The following SNTG1 variants were observed in gnomAD, a reference collection of about 807,000 sequenced individuals.
The protein encoded by SNTG1 is syntrophin gamma 1, also known as gamma-1-syntrophin.
SNTG1 carries 39 observed loss-of-function variants against 74.7 expected under a neutral mutation model. That is an observed-to-expected ratio of 0.52 (90% CI 0.40 to 0.68). The LOEUF is 0.68. SNTG1 is among the 30% of genes least tolerant of loss of function. SNTG1 has a pLI of 0.00. For missense variants in SNTG1, 685 were observed against 609.5 expected, an observed-to-expected ratio of 1.12 and a Z score of -1.30; for synonymous variants, 254 against 217.1, an observed-to-expected ratio of 1.17 and a Z score of -1.49.
intron 11 of SNTG1, among the ~76,000 whole-genome samples, chr8:50,541,009 C>T (rs762495482): frequency 4.6e-5 from 7 of 151,850 alleles, no homozygotes; most frequent in Non-Finnish European, 7.4e-5. Context: ...AGTCTAGTTA[C>T]CTTTAATGTA....
At chr8:50,265,844 T>C (rs139909554) in intron 2 of SNTG1, among the ~76,000 whole-genome samples, 24 of 152,042 alleles carry the variant, frequency 1.6e-4, no homozygotes, top group African/African-American at 5.3e-4. Context: ...TTTACAATGA[T>C]ATCAAAAAAA....
At chr8:50,670,600 G>GT (rs1308170841) in intron 15 of SNTG1, among the ~76,000 whole-genome samples, 2 of 144,074 alleles carry the variant, frequency 1.4e-5, no homozygotes, top group Non-Finnish European at 3.0e-5. Context: ...TCAATATCAT[G>GT]AAAATGGCCA....
chr8:50,450,848 C>T, intron 8 of SNTG1, 119 bp downstream of exon 8: 1 of 967,058 alleles, frequency 1.0e-6, no homozygotes, highest in Non-Finnish European at 1.5e-6. Flanking sequence ...AGTTTGATAT[C>T]AAATTTTCAA....
At chr8:50,127,299 G>T (rs138042767) in intron 1 of SNTG1, among the ~76,000 whole-genome samples, 1 of 152,078 alleles carries the variant, frequency 6.6e-6, no homozygotes, top group Non-Finnish European at 1.5e-5. Flanking sequence ...TACCAACATT[G>T]CATTAAAATA....
rs372674229 is a variant in SNTG1, at chr8:50,381,558, ATGTGTGTG to A, written c.-27-12626_-27-12619del. On this transcript the variant is annotated intron_variant, in intron 2 of 18. Coordinates refer to ENST00000642720, the MANE Select transcript of SNTG1 (RefSeq NM_018967.5). Reference sequence around the variant, plus strand: ...TCTAGAGGGACAGAACTAATAGGATATGTGTGTGTGTGTGTGTGTGTGTGTGTGTGTGT... The same window carrying A: ...TCTAGAGGGACAGAACTAATAGGATATGTGTGTGTGTGTGTGTGTGTGTGT... Among the ~76,000 whole-genome samples, 11 of 108,598 alleles carry A rather than the reference ATGTGTGTG, an allele frequency of 1.0e-4. 1 individual carries two copies. Among genetic ancestry groups the A allele is most frequent in the African/African-American group, 2.9e-4 (9 of 30,574 alleles). The allele number at this position is 108,598 out of a possible 152,430, so 71.2% of individuals were successfully genotyped here.
chr8:50,779,798 C>A (rs975575734), intron 18 of SNTG1, among the ~76,000 whole-genome samples: 21 of 152,016 alleles, frequency 1.4e-4, no homozygotes, highest in African/African-American at 4.6e-4. Flanking sequence ...AAAGGGAATG[C>A]TTCCAGTTTT....
intron 1 of SNTG1, among the ~76,000 whole-genome samples, chr8:49,968,323 A>G (rs1217558667): frequency 2.6e-5 from 4 of 152,146 alleles, no homozygotes; most frequent in East Asian, 1.9e-4. Flanking sequence ...TTCCCCCCCA[A>G]TTATGGTGTA....
intron 4 of SNTG1, among the ~76,000 whole-genome samples, chr8:50,403,869 T>A (rs1187967007): frequency 6.6e-6 from 1 of 152,196 alleles, no homozygotes. Context: ...TAGTTAACAT[T>A]GAACATTTTC....
At chr8:50,464,741 A>C (rs186770404) in intron 8 of SNTG1, among the ~76,000 whole-genome samples, 1 of 152,194 alleles carries the variant, frequency 6.6e-6, no homozygotes, top group East Asian at 1.9e-4. Context: ...TCTGTCTCAA[A>C]AAACAAACAA....
chr8:50,434,074 G>A (rs1318170606), intron 4 of SNTG1, among the ~76,000 whole-genome samples: 2 of 132,640 alleles, frequency 1.5e-5, no homozygotes, highest in Admixed American at 1.9e-4. Flanking sequence ...AGTGTGTGAT[G>A]TTCCCCTTCC....
intron 17 of SNTG1, among the ~76,000 whole-genome samples, chr8:50,724,567 A>G (rs1350903859): frequency 6.6e-6 from 1 of 152,160 alleles, no homozygotes; most frequent in Non-Finnish European, 1.5e-5. Context: ...AGAGAAACTG[A>G]GAGATATTTC....
chr8:49,962,171 C>A lies in SNTG1; in HGVS notation c.-103+49940C>A, dbSNP rs571945187. The stretch of plus-strand genomic sequence containing the variant: ...TGTAGGGTGGGGAGAGCACAGGTGA[C>A]TGTCTGACCATAAGATGAGCTTCAT... On this transcript the variant is annotated intron_variant, in intron 1 of 18. Coordinates refer to ENST00000642720, the MANE Select transcript of SNTG1 (RefSeq NM_018967.5). 7.6e-4 allele frequency among the ~76,000 whole-genome samples: 115 copies of A among 152,100 alleles called. 2 individuals carry two copies. The Middle Eastern group carries it at 0.014, about 18-fold the overall frequency.
intron 2 of SNTG1, among the ~76,000 whole-genome samples, chr8:50,323,989 C>A (rs1295356738): frequency 1.3e-5 from 2 of 152,222 alleles, no homozygotes; most frequent in African/African-American, 4.8e-5. Context: ...CCTTAGGTAA[C>A]ATGTCACCCT....
At chr8:49,989,667 G>C (rs1352722937) in intron 1 of SNTG1, among the ~76,000 whole-genome samples, 1 of 151,812 alleles carries the variant, frequency 6.6e-6, no homozygotes, top group East Asian at 1.9e-4. Flanking sequence ...ACATCCCCCT[G>C]TCTCTAGAAA....
chr8:50,126,915 C>A (rs372842758), intron 1 of SNTG1, among the ~76,000 whole-genome samples: 1 of 152,162 alleles, frequency 6.6e-6, no homozygotes, highest in Non-Finnish European at 1.5e-5. Flanking sequence ...GAGGTACGAG[C>A]TTTTTCCTCA....
intron 1 of SNTG1, among the ~76,000 whole-genome samples, chr8:49,937,675 C>A (rs1033285637): frequency 3.9e-5 from 6 of 152,108 alleles, no homozygotes; most frequent in African/African-American, 7.2e-5. Context: ...CCATAGTGAA[C>A]AAATGATTAG....
At chr8:49,950,999 C>T (rs932829940) in intron 1 of SNTG1, among the ~76,000 whole-genome samples, 2 of 152,144 alleles carry the variant, frequency 1.3e-5, no homozygotes, top group Non-Finnish European at 2.9e-5. Flanking sequence ...ATACCTAAAA[C>T]GTCTTTTGTT....
intron 2 of SNTG1, among the ~76,000 whole-genome samples, chr8:50,229,613 T>TA (rs2085513806): frequency 6.6e-6 from 1 of 151,378 alleles, no homozygotes; most frequent in Admixed American, 6.6e-5. Context: ...TTGTTAAAGA[T>TA]AAAAATATGC....
intron 1 of SNTG1, among the ~76,000 whole-genome samples, chr8:50,004,488 G>T (rs765563334): frequency 6.6e-6 from 1 of 152,082 alleles, no homozygotes; most frequent in Non-Finnish European, 1.5e-5. Context: ...TGCACCCAGC[G>T]TTGTGCTTGC....
Sources: allele counts gnomAD v4.1 joint callset (sites outside exome capture counted in the v4.1 genomes callset), GRCh38; gene constraint gnomAD v4.1.1; transcripts MANE v1.5; gene names NCBI Gene and HGNC (gene_info 2026-07-23, HGNC 2026-07-21).